Variants in UGDH observed in about 807,000 individuals in gnomAD.
The protein encoded by UGDH is UDP-Glc dehydrogenase.
A neutral mutation model predicts 50.6 loss-of-function variants in UGDH; 38 were observed. That is an observed-to-expected ratio of 0.75 (90% CI 0.58 to 0.98). The LOEUF (loss-of-function observed/expected upper bound fraction) is 0.98. Among genes scored for constraint, UGDH ranks in the 50% least tolerant of loss-of-function variants. The pLI is 0.00. For synonymous variants in UGDH, 168 were observed against 199.9 expected, an observed-to-expected ratio of 0.84 and a Z score of 1.35; for missense variants, 465 against 606.2, an observed-to-expected ratio of 0.77 and a Z score of 2.45.
intron 2 of UGDH, among the ~76,000 whole-genome samples, chr4:39,521,138 C>T (rs1578281816): frequency 6.7e-6 from 1 of 150,346 alleles, no homozygotes; most frequent in African/African-American, 2.4e-5. Flanking sequence ...TGCACTAATA[C>T]ACCATTCTGA....
chr4:39,514,796 C>T (rs889276757), intron 2 of UGDH, among the ~76,000 whole-genome samples: 3 of 151,726 alleles, frequency 2.0e-5, no homozygotes, highest in African/African-American at 7.3e-5. Context: ...AGTTCTCCTG[C>T]CTCAGCCTCC....
chr4:39,526,849 G>A (rs779918083), intron 1 of UGDH, among the ~76,000 whole-genome samples: 3 of 152,148 alleles, frequency 2.0e-5, no homozygotes, highest in African/African-American at 4.8e-5. Context: ...TTTCTTAAGA[G>A]GGGCGGCATG....
intron 2 of UGDH, among the ~76,000 whole-genome samples, chr4:39,514,928 T>TGCCTTG (rs1033985076): frequency 1.3e-5 from 2 of 152,026 alleles, no homozygotes; most frequent in African/African-American, 4.8e-5. Flanking sequence ...GTAATCCACC[T>TGCCTTG]GCCTTGGCCT....
intron 11 of UGDH, 102 bp downstream of exon 11, chr4:39,503,773 T>C (rs983768625): frequency 2.0e-6 from 2 of 980,374 alleles, no homozygotes; most frequent in African/African-American, 3.3e-5. Context: ...CCTGCTGTGA[T>C]GGTCTTTTGA....
At chr4:39,513,980 C>A (rs1205412404) in intron 3 of UGDH, 103 bp downstream of exon 3, 4 of 953,734 alleles carry the variant, frequency 4.2e-6, no homozygotes, top group East Asian at 2.5e-5. Flanking sequence ...CTATACTAAG[C>A]AATGTTGAGG....
intron 2 of UGDH, among the ~76,000 whole-genome samples, chr4:39,520,216 A>G (rs1746593736): frequency 6.6e-6 from 1 of 152,092 alleles, no homozygotes; most frequent in Non-Finnish European, 1.5e-5. Flanking sequence ...GTGGGCACCT[A>G]TAATTCCAGC....
chr4:39,512,683 A>G (rs1029315733), intron 3 of UGDH, among the ~76,000 whole-genome samples: 9 of 152,110 alleles, frequency 5.9e-5, no homozygotes, highest in Admixed American at 5.9e-4. Context: ...GTACCTAGCT[A>G]CTCCAAAATA....
Position 39,509,910 on chromosome 4 carries a change from T to TAA in UGDH, c.664-5_664-4dup, listed in dbSNP as rs71645104. Reference sequence around the variant, plus strand: ...TGGGCAAGAAAAGCATTTGCTGCCTTAAAAAAAAAAAACATAGAGAAGAGT... The same window carrying TAA: ...TGGGCAAGAAAAGCATTTGCTGCCTTAAAAAAAAAAAAAACATAGAGAAGAGT... On this transcript the variant is annotated splice_polypyrimidine_tract_variant and splice_region_variant and intron_variant, in intron 5 of 11. Transcript: ENST00000316423. The TAA allele has an allele frequency of 8.9e-3, 12,267 of 1,375,344 alleles. No individual in the cohort carries two copies. The highest frequency in any genetic ancestry group is 0.036 in the East Asian group (1,420 of 39,228). The allele number at this position is 1,375,344 out of a possible 1,614,324, so 85.2% of individuals were successfully genotyped here.
At chr4:39,509,022 T>C (rs951332771) in intron 6 of UGDH, among the ~76,000 whole-genome samples, 1 of 149,970 alleles carries the variant, frequency 6.7e-6, no homozygotes, top group African/African-American at 2.5e-5. Flanking sequence ...TCGCCCAGGC[T>C]GAAGTGTAGG....
intron 1 of UGDH, among the ~76,000 whole-genome samples, chr4:39,522,175 G>T (rs1746689280): frequency 6.6e-6 from 1 of 152,122 alleles, no homozygotes; most frequent in Non-Finnish European, 1.5e-5. Flanking sequence ...CCTTCCCAAT[G>T]CCAGCAGAAA....
At position 39,503,724 on chromosome 4, in the gene UGDH, G is replaced by C. The variant is rs926261538; in HGVS notation, c.1374+151C>G. On this transcript the variant is annotated intron_variant, in intron 11 of 11. Coordinates refer to ENST00000316423, the MANE Select transcript of UGDH (RefSeq NM_003359.4). Reference sequence around the variant, plus strand: ...TTGGTTCCCCAAAAGAACTTCCCTAGAAAGAAGGTATCATCTTAATTAGCC... The same window carrying C: ...TTGGTTCCCCAAAAGAACTTCCCTACAAAGAAGGTATCATCTTAATTAGCC... 5.3e-6 allele frequency: 3 copies of C among 561,014 alleles called. No homozygotes were observed. In the Admixed American group the frequency reaches 1.1e-4, roughly 21 times the overall value. The allele number at this position is 561,014 out of a possible 1,614,324, so 34.8% of individuals were successfully genotyped here.
At chr4:39,518,776 T>C (rs1395710479) in intron 2 of UGDH, among the ~76,000 whole-genome samples, 1 of 151,880 alleles carries the variant, frequency 6.6e-6, no homozygotes, top group African/African-American at 2.4e-5. Flanking sequence ...TCAGCTTTAG[T>C]AGATACTATC....
intron 2 of UGDH, among the ~76,000 whole-genome samples, chr4:39,516,106 C>T (rs905530824): frequency 2.0e-5 from 3 of 152,098 alleles, no homozygotes; most frequent in African/African-American, 7.2e-5. Context: ...CATGGCGAAA[C>T]CCCATTTCTA....
At position 39,500,028 on chromosome 4, in the gene UGDH, AAAAAAAAAAC is replaced by A; in HGVS notation, c.*105_*114del. The A allele has an allele frequency of 2.1e-6, 1 of 483,198 alleles. No individual in the cohort carries two copies. Among genetic ancestry groups the A allele is most frequent in the East Asian group, 3.8e-5 (1 of 26,520 alleles). 29.9% of individuals were successfully genotyped at this position (483,198 alleles called of 1,614,324 possible). On this transcript the variant is annotated 3_prime_UTR_variant, in exon 12 of 12. Coordinates refer to ENST00000316423, the MANE Select transcript of UGDH (RefSeq NM_003359.4). ...CTGGGCAACAGTGAGACTCTGTCTCAAAAAAAAAACAAAAAAAAACACTTGGTTCATTTAC... is the reference window on the plus strand; with the variant it reads ...CTGGGCAACAGTGAGACTCTGTCTCAAAAAAAAAACACTTGGTTCATTTAC...
chr4:39,504,044 C>T, intron 10 of UGDH, 59 bp from the exon 11 acceptor site: 2 of 1,444,110 alleles, frequency 1.4e-6, no homozygotes, highest in South Asian at 2.4e-5. Context: ...CGGAGTGGCT[C>T]ATGCCTGTAA....
chr4:39,513,162 T>C (rs1746306515), intron 3 of UGDH, among the ~76,000 whole-genome samples: 2 of 152,196 alleles, frequency 1.3e-5, no homozygotes, highest in South Asian at 4.1e-4. Context: ...TGGTGATAGC[T>C]ATATCATTAC....
intron 3 of UGDH, 42 bp downstream of exon 3, chr4:39,514,041 C>T (rs767900119): frequency 8.2e-6 from 12 of 1,467,844 alleles, no homozygotes; most frequent in Non-Finnish European, 1.1e-5. Context: ...TTTATATAGA[C>T]AAGAATACAT....
intron 6 of UGDH, among the ~76,000 whole-genome samples, chr4:39,509,148 G>A (rs1746135117): frequency 6.7e-6 from 1 of 149,416 alleles, no homozygotes; most frequent in African/African-American, 2.5e-5. Context: ...CTAATTTTTT[G>A]TCTTTTTTTT....
At chr4:39,523,127 C>T (rs1746733814) in intron 1 of UGDH, among the ~76,000 whole-genome samples, 1 of 152,090 alleles carries the variant, frequency 6.6e-6, no homozygotes, top group Non-Finnish European at 1.5e-5. Flanking sequence ...CTCAGCTGCA[C>T]TTATTACAAC....
Sources: gnomAD v4.1 joint callset for allele counts (sites outside exome capture counted in the v4.1 genomes callset) on GRCh38, gnomAD v4.1.1 for gene constraint, MANE v1.5 for transcripts, NCBI Gene and HGNC (gene_info 2026-07-23, HGNC 2026-07-21) for gene names.